The following CCDC171 variants were observed in gnomAD, a reference collection of about 807,000 sequenced individuals.
CCDC171 encodes the protein coiled-coil domain-containing protein 171.
CCDC171 carries 177 observed loss-of-function variants against 168.2 expected under a neutral mutation model. That is an observed-to-expected ratio of 1.05 (90% CI 0.93 to 1.19). The LOEUF (loss-of-function observed/expected upper bound fraction) is 1.19, where lower values mean the gene tolerates loss of function less well. CCDC171 is among the 50% of genes most tolerant of loss of function. The probability of loss-of-function intolerance (pLI) is 0.00; values close to 1 mark genes in which losing one functional copy is unlikely to be tolerated. For synonymous variants in CCDC171, 687 were observed against 540.8 expected, an observed-to-expected ratio of 1.27 and a Z score of -3.75; for missense variants, 1,991 against 1,539.0, an observed-to-expected ratio of 1.29 and a Z score of -4.91.
intron 24 of CCDC171, among the ~76,000 whole-genome samples, chr9:15,896,135 A>C (rs1357351941): frequency 2.6e-5 from 4 of 152,054 alleles, no homozygotes; most frequent in Admixed American, 6.6e-5. Context: ...AAGGGCAATA[A>C]TCACCATCAA....
At chr9:15,675,187 GTTTTTTTTTTT>G (rs138989790) in intron 9 of CCDC171, among the ~76,000 whole-genome samples, 8 of 75,528 alleles carry the variant, frequency 1.1e-4, no homozygotes, top group East Asian at 9.3e-4. Flanking sequence ...TGCAACTCCT[GTTTTTTTTTTT>G]TTTTTTTTTT....
At chr9:15,803,071 G>C (rs1422171062) in intron 21 of CCDC171, among the ~76,000 whole-genome samples, 1 of 152,160 alleles carries the variant, frequency 6.6e-6, no homozygotes, top group African/African-American at 2.4e-5. Context: ...AGAAGTGTCT[G>C]TTCATGTCCT....
intron 18 of CCDC171, among the ~76,000 whole-genome samples, chr9:15,754,521 A>G (rs1423682032): frequency 6.6e-6 from 1 of 152,166 alleles, no homozygotes; most frequent in East Asian, 1.9e-4. Context: ...ATGAGCACAC[A>G]TGCGCATACA....
intron 11 of CCDC171, among the ~76,000 whole-genome samples, chr9:15,714,922 G>C (rs560586403): frequency 1.3e-5 from 2 of 152,102 alleles, no homozygotes; most frequent in Middle Eastern, 3.2e-3. Context: ...ATCTCTGTAG[G>C]TCAAACCATT....
At chr9:15,870,548 A>T (rs2061990882) in intron 23 of CCDC171, among the ~76,000 whole-genome samples, 1 of 151,896 alleles carries the variant, frequency 6.6e-6, no homozygotes, top group Non-Finnish European at 1.5e-5. Flanking sequence ...GACACTGTAT[A>T]CATCTTCTTA....
chr9:15,971,901 T>C lies in CCDC171; in HGVS notation c.*65T>C. On this transcript the variant is annotated 3_prime_UTR_variant, in exon 26 of 26. Coordinates refer to ENST00000380701, the MANE Select transcript of CCDC171 (RefSeq NM_173550.4). ...AATTAAAATTGTTTTGAATGGGAAT[T>C]TTCTTATCAGTTGACTTTTGTTTCA... 1 of 1,381,742 alleles carries C rather than the reference T, an allele frequency of 7.2e-7. No homozygotes were observed. The highest frequency in any genetic ancestry group is 1.0e-6 in the Non-Finnish European group (1 of 981,994). 85.6% of individuals were successfully genotyped at this position (1,381,742 alleles called of 1,614,324 possible).
At chr9:15,603,222 G>C (rs2042990475) in intron 6 of CCDC171, among the ~76,000 whole-genome samples, 1 of 152,048 alleles carries the variant, frequency 6.6e-6, no homozygotes, top group African/African-American at 2.4e-5. Context: ...CTGACCTTGT[G>C]ATCTTCCCGC....
chr9:16,007,312 A>T (rs1006336659), intron 3 of CCDC171, among the ~76,000 whole-genome samples: 10 of 151,988 alleles, frequency 6.6e-5, no homozygotes, highest in Non-Finnish European at 1.3e-4. Context: ...GTTTGAGTTC[A>T]TTGTAGATTC....
chr9:16,049,018 A>G (rs961068400), intron 1 of CCDC171, among the ~76,000 whole-genome samples: 6 of 152,114 alleles, frequency 3.9e-5, no homozygotes. Flanking sequence ...ATCCCTAAAA[A>G]TTACAATCCC....
chr9:16,018,697 A>G (rs1833091827), intron 3 of CCDC171, among the ~76,000 whole-genome samples: 1 of 152,246 alleles, frequency 6.6e-6, no homozygotes, highest in Non-Finnish European at 1.5e-5. Flanking sequence ...CTGTGCTCCA[A>G]CACAGTGGCC....
At chr9:15,899,767 G>A (rs1355866891) in intron 24 of CCDC171, among the ~76,000 whole-genome samples, 1 of 151,994 alleles carries the variant, frequency 6.6e-6, no homozygotes, top group Non-Finnish European at 1.5e-5. Context: ...GAAACTATCA[G>A]ATGTGTGGTT....
Position 15,562,910 on chromosome 9 carries a change from C to T in CCDC171, c.-111-1068C>T, listed in dbSNP as rs576109523. ...CAATATCTGAAGAGCTTGATAGACT[C>T]CTTGGTGCCCCCCACTTAATAGCTG... On this transcript the variant is annotated intron_variant, in intron 1 of 25. Coordinates refer to ENST00000380701, the MANE Select transcript of CCDC171 (RefSeq NM_173550.4). Among the ~76,000 whole-genome samples, 3 of 152,144 alleles carry T rather than the reference C, an allele frequency of 2.0e-5. No individual in the cohort carries two copies. The South Asian group carries it at 6.2e-4, about 32-fold the overall frequency.
chr9:15,892,001 T>A (rs1311325438), intron 24 of CCDC171, among the ~76,000 whole-genome samples: 5 of 152,160 alleles, frequency 3.3e-5, no homozygotes, highest in African/African-American at 1.2e-4. Context: ...CCCCATCTTT[T>A]TCTTACTAAC....
chr9:16,034,548 G>A lies in CCDC171; in HGVS notation n.999-909G>A, dbSNP rs186366923. On this transcript the variant is annotated intron_variant and non_coding_transcript_variant, in intron 6 of 9. Transcript: ENST00000486641. ...AGTGCAACCAAGGTTCAGTGTGGAGGTCATTACTGTAATTAGATGTTTCAG... is the reference window on the plus strand; with the variant it reads ...AGTGCAACCAAGGTTCAGTGTGGAGATCATTACTGTAATTAGATGTTTCAG... Among the ~76,000 whole-genome samples the A allele has an allele frequency of 2.8e-4, 43 of 152,248 alleles. No homozygotes were observed. The East Asian group carries it at 6.7e-3, about 24-fold the overall frequency.
intron 6 of CCDC171, among the ~76,000 whole-genome samples, chr9:15,601,982 T>C (rs1393134753): frequency 6.6e-6 from 1 of 152,164 alleles, no homozygotes; most frequent in South Asian, 2.1e-4. Context: ...TGTGAAGTAC[T>C]AAAAGAATTT....
chr9:15,579,002 A>G lies in CCDC171; in HGVS notation c.331A>G (p.Arg111Gly), dbSNP rs768745692. 4 of 1,613,816 alleles carry G rather than the reference A, an allele frequency of 2.5e-6. No homozygotes were observed. The highest frequency in any genetic ancestry group is 4.5e-5 in the East Asian group (2 of 44,836). The change falls in exon 4 of 26, where the codon AGG (arginine) becomes GGG (glycine). Residue 111 changes from arginine (R) to glycine (G), a missense_variant. Transcript: ENST00000380701. ...TGAAGAAAGATTAGCCGAGGCACAT[A>G]GGATCCAAGAAAAACTCTGTGGTAA... ...AAEERLAEAHRIQEKLCAQNS... is the reference protein window; with the variant it reads ...AAEERLAEAHGIQEKLCAQNS...
chr9:15,779,490 G>C (rs2057542900), intron 20 of CCDC171, among the ~76,000 whole-genome samples: 1 of 152,056 alleles, frequency 6.6e-6, no homozygotes, highest in African/African-American at 2.4e-5. Context: ...CTCCCAAGCA[G>C]CTGGGATTAC....
chr9:15,578,290 A>G lies in CCDC171; in HGVS notation c.178-559A>G, dbSNP rs371385018. Among the ~76,000 whole-genome samples, 5 of 149,650 alleles carry G rather than the reference A, an allele frequency of 3.3e-5. 1 individual carries two copies. Among genetic ancestry groups the G allele is most frequent in the Admixed American group, 1.3e-4 (2 of 14,976 alleles). ...TGCTCTGTCCTTCAGGATGGAGTGC[A>G]GTGGCATGGTCTCTGCTCACTGCAA... On this transcript the variant is annotated intron_variant, in intron 3 of 25. Transcript: ENST00000380701.
At chr9:15,874,783 T>C in intron 24 of CCDC171, 120 bp downstream of exon 24, 2 of 949,362 alleles carry the variant, frequency 2.1e-6, no homozygotes. Flanking sequence ...AAATAGATGT[T>C]TCTTCATTTT....
Sources: allele counts gnomAD v4.1 joint callset (sites outside exome capture counted in the v4.1 genomes callset), GRCh38; gene constraint gnomAD v4.1.1; transcripts MANE v1.5; gene names NCBI Gene and HGNC (gene_info 2026-07-23, HGNC 2026-07-21).